SLC24A2: variants seen among roughly 807,000 people sequenced by gnomAD.
SLC24A2 encodes sodium/potassium/calcium exchanger 2.
SLC24A2 carries 36 observed loss-of-function variants against 62.0 expected under a neutral mutation model. The observed-to-expected ratio is 0.58, with a 90% CI of 0.44 to 0.77. The LOEUF (loss-of-function observed/expected upper bound fraction) is 0.77. Ranked by LOEUF, SLC24A2 falls within the 30% of genes least tolerant of loss-of-function variation. The pLI, the probability that SLC24A2 is intolerant of heterozygous loss-of-function variation, is 0.00. For missense variants in SLC24A2, 846 were observed against 817.9 expected, an observed-to-expected ratio of 1.03 and a Z score of -0.42; for synonymous variants, 358 against 294.0, an observed-to-expected ratio of 1.22 and a Z score of -2.23.
chr9:20,110,833 T>C, the SLC24A2 span, among the ~76,000 whole-genome samples: 3 of 152,214 alleles, frequency 2.0e-5, no homozygotes, highest in Admixed American at 6.5e-5. Flanking sequence ...AAAAACACAA[T>C]ACTATATTTC....
chr9:19,980,468 G>A, the SLC24A2 span, among the ~76,000 whole-genome samples: 2 of 152,178 alleles, frequency 1.3e-5, no homozygotes, highest in Admixed American at 6.5e-5. Flanking sequence ...GGTAGAGTTA[G>A]AGCAAGTGAG....
rs527516166 is a variant in SLC24A2 at position 19,517,075 on chromosome 9, T to A, written c.1737-673A>T. 6.0e-4 allele frequency among the ~76,000 whole-genome samples: 92 copies of A among 152,348 alleles called. 1 individual carries two copies. Among genetic ancestry groups the A allele is most frequent in the African/African-American group, 2.0e-3 (85 of 41,586 alleles). ...TTATTATATATTTTTATACCTGTTT[T>A]CTCCCTTTTCATTCACCTTTTAAAA... On this transcript the variant is annotated intron_variant, in intron 10 of 10. Coordinates refer to ENST00000341998, the MANE Select transcript of SLC24A2 (RefSeq NM_020344.4).
chr9:19,901,140 T>A, the SLC24A2 span, among the ~76,000 whole-genome samples: 1 of 152,188 alleles, frequency 6.6e-6, no homozygotes, highest in Non-Finnish European at 1.5e-5. Flanking sequence ...AGATGTGAAC[T>A]GGTGTGAATG....
intron 8 of SLC24A2, among the ~76,000 whole-genome samples, chr9:19,544,944 C>G (rs952766058): frequency 1.3e-5 from 2 of 152,152 alleles, no homozygotes; most frequent in Non-Finnish European, 2.9e-5. Context: ...GTGGTGTTCT[C>G]TGTATTTCCT....
intron 2 of SLC24A2, among the ~76,000 whole-genome samples, chr9:19,735,901 A>G (rs1249040498): frequency 6.6e-6 from 1 of 152,130 alleles, no homozygotes; most frequent in Non-Finnish European, 1.5e-5. Context: ...AGATATACCT[A>G]ATGTAAATGA....
chr9:19,682,692 GA>G (rs1416440086), intron 2 of SLC24A2, among the ~76,000 whole-genome samples: 1 of 152,160 alleles, frequency 6.6e-6, no homozygotes, highest in Non-Finnish European at 1.5e-5. Context: ...CGTACTGTAA[GA>G]AATATCCATA....
upstream of SLC24A2, among the ~76,000 whole-genome samples, chr9:19,793,058 C>T (rs1316176869): frequency 6.6e-6 from 1 of 152,202 alleles, no homozygotes; most frequent in Non-Finnish European, 1.5e-5. Flanking sequence ...CATTTCTCAG[C>T]ATCTAGCCCT....
the SLC24A2 span, among the ~76,000 whole-genome samples, chr9:20,157,510 C>T: frequency 2.0e-5 from 3 of 151,592 alleles, no homozygotes; most frequent in African/African-American, 4.8e-5. Context: ...ACATTAATTG[C>T]TAAAATACTG....
chr9:20,248,095 G>T, the SLC24A2 span, among the ~76,000 whole-genome samples: 9 of 152,174 alleles, frequency 5.9e-5, no homozygotes, highest in African/African-American at 1.7e-4. Context: ...AAATAACCGT[G>T]TGTTCTTGTT....
the SLC24A2 span, among the ~76,000 whole-genome samples, chr9:19,862,686 G>T: frequency 1.3e-5 from 2 of 152,068 alleles, no homozygotes; most frequent in African/African-American, 4.8e-5. Flanking sequence ...AAATTAAAAC[G>T]TGGAAGGGAT....
chr9:19,532,903 T>G (rs1833775368), intron 8 of SLC24A2, among the ~76,000 whole-genome samples: 1 of 152,232 alleles, frequency 6.6e-6, no homozygotes, highest in Non-Finnish European at 1.5e-5. Context: ...AGTATCTATC[T>G]TAGTCATGAG....
chr9:19,875,634 G>T, the SLC24A2 span, among the ~76,000 whole-genome samples: 1 of 152,152 alleles, frequency 6.6e-6, no homozygotes, highest in Non-Finnish European at 1.5e-5. Context: ...TTCAAAATAG[G>T]GCTCAAGAAA....
the SLC24A2 span, among the ~76,000 whole-genome samples, chr9:19,847,769 G>A: frequency 2.0e-5 from 3 of 151,778 alleles, no homozygotes; most frequent in Admixed American, 2.0e-4. Flanking sequence ...GACCCAATTT[G>A]TACTTGTTTA....
At chr9:19,763,792 G>A (rs1327599988) in intron 2 of SLC24A2, among the ~76,000 whole-genome samples, 1 of 152,122 alleles carries the variant, frequency 6.6e-6, no homozygotes, top group Non-Finnish European at 1.5e-5. Context: ...TTGTGTCTCT[G>A]CCAGGTTTTG....
chr9:20,038,624 G>GAAAAAAAA, the SLC24A2 span, among the ~76,000 whole-genome samples: 2 of 26,552 alleles, frequency 7.5e-5, no homozygotes, highest in African/African-American at 1.6e-4. Flanking sequence ...GTCAGTAAAA[G>GAAAAAAAA]AAACAAACAA....
chr9:19,898,159 G>C, the SLC24A2 span, among the ~76,000 whole-genome samples: 1 of 152,182 alleles, frequency 6.6e-6, no homozygotes, highest in Non-Finnish European at 1.5e-5. Flanking sequence ...GAGGGGATCT[G>C]AGAAGCCTAG....
the SLC24A2 span, among the ~76,000 whole-genome samples, chr9:19,945,409 T>G: frequency 6.6e-6 from 1 of 152,100 alleles, no homozygotes; most frequent in Non-Finnish European, 1.5e-5. Flanking sequence ...TAAAAACAAT[T>G]ACCCAGTTCC....
intron 2 of SLC24A2, among the ~76,000 whole-genome samples, chr9:19,710,618 G>A (rs934377986): frequency 2.0e-5 from 3 of 152,178 alleles, no homozygotes; most frequent in Non-Finnish European, 4.4e-5. Flanking sequence ...GAAGGTGGGG[G>A]CAGTAGAAAG....
At chr9:19,902,543 G>A in the SLC24A2 span, among the ~76,000 whole-genome samples, 5 of 152,086 alleles carry the variant, frequency 3.3e-5, no homozygotes, top group South Asian at 2.1e-4. Flanking sequence ...ATCAATAACC[G>A]AAGCACCAGT....
Sources: allele counts gnomAD v4.1 joint callset (sites outside exome capture counted in the v4.1 genomes callset), GRCh38; gene constraint gnomAD v4.1.1; transcripts MANE v1.5; gene names NCBI Gene and HGNC (gene_info 2026-07-23, HGNC 2026-07-21).